Variants in HMCN2 observed in about 807,000 individuals in gnomAD.
HMCN2 encodes hemicentin 2.
A neutral mutation model predicts 377.5 loss-of-function variants in HMCN2; 325 were observed. The observed-to-expected ratio is 0.86, with a 90% CI of 0.79 to 0.94. The LOEUF is 0.94. HMCN2 is among the 40% of genes least tolerant of loss of function. HMCN2 has a pLI of 0.00. For missense variants in HMCN2, 4,543 were observed against 4,725.3 expected, an observed-to-expected ratio of 0.96 and a Z score of 1.13; for synonymous variants, 2,007 against 2,046.8, an observed-to-expected ratio of 0.98 and a Z score of 0.53.
chr9:130,329,971 C>T (rs1481954625), intron 22 of HMCN2, among the ~76,000 whole-genome samples: 1 of 151,186 alleles, frequency 6.6e-6, no homozygotes, highest in Non-Finnish European at 1.5e-5. Context: ...TCCTCCCCTC[C>T]CCCCCTTCCC....
At chr9:130,407,436 G>A (rs41316998) in intron 82 of HMCN2, 135 bp from the exon 83 acceptor site, 69,833 of 732,520 alleles carry the variant, frequency 0.095, 3,697 homozygotes, top group Non-Finnish European at 0.11. Flanking sequence ...CCAGGAACGT[G>A]TCTGATTTGA....
intron 39 of HMCN2, 135 bp from the exon 40 acceptor site, chr9:130,362,732 G>C (rs1212921174): frequency 2.1e-5 from 13 of 615,796 alleles, no homozygotes; most frequent in Non-Finnish European, 2.6e-5. Flanking sequence ...CCTGCATCAT[G>C]AGGGGCTCTG....
chr9:130,404,508 C>A (rs1842994414), intron 80 of HMCN2, among the ~76,000 whole-genome samples: 1 of 152,240 alleles, frequency 6.6e-6, no homozygotes, highest in African/African-American at 2.4e-5. Context: ...CAGGGATGCT[C>A]TGTGACAGCT....
Position 130,428,620 on chromosome 9 carries a change from G to C in HMCN2, c.14197+131G>C. On this transcript the variant is annotated intron_variant, in intron 93 of 97. Transcript: ENST00000683500. This position sits in a 1 kb window ranked among gnomAD's most constrained non-coding sequence, Gnocchi z 5.0. ...AAGACTGGGACTCTTGGCAGAAGGA[G>C]TACAGCAAGGCTGGGGACAAAGCCT... The C allele has an allele frequency of 7.8e-7, 1 of 1,285,382 alleles. No individual in the cohort carries two copies. The highest frequency in any genetic ancestry group is 1.1e-6 in the Non-Finnish European group (1 of 945,582). The allele number at this position is 1,285,382 out of a possible 1,614,324, so 79.6% of individuals were successfully genotyped here.
In HMCN2 at chr9:130,391,498, G is replaced by A. The variant is rs891650363; in HGVS notation, c.9876G>A (p.Ser3292=). Reference sequence around the variant, plus strand: ...TGGTGCTAAAAGGCCTGAGGGCCTCGGACGCGGGTGCCTACACCTGCGTGG... The same window carrying A: ...TGGTGCTAAAAGGCCTGAGGGCCTCAGACGCGGGTGCCTACACCTGCGTGG... The part of the protein sequence containing the change: ...GSLVLKGLRA[S]DAGAYTCVAH... Residue 3292 remains serine, a synonymous_variant, in exon 65 of 98, where the codon TCG becomes TCA. Coordinates refer to ENST00000683500, the MANE Select transcript of HMCN2 (RefSeq NM_001291815.2). 83 of 987,704 alleles carry A rather than the reference G, an allele frequency of 8.4e-5. No homozygotes were observed. Among genetic ancestry groups the A allele is most frequent in the Non-Finnish European group, 9.8e-5 (81 of 830,156 alleles). 61.2% of individuals were successfully genotyped at this position (987,704 alleles called of 1,614,324 possible).
chr9:130,423,346 G>A lies in HMCN2; in HGVS notation c.13381+620G>A, dbSNP rs1415622557. On this transcript the variant is annotated intron_variant, in intron 87 of 97. Transcript: ENST00000683500. This position sits in a 1 kb window ranked among gnomAD's most constrained non-coding sequence, Gnocchi z 5.5. ...GTCCAGGAGGGGCAGTATTCATGGA[G>A]TCTTCACTGAAAGTAGCTCCTCTGA... Among the ~76,000 whole-genome samples, 2 of 152,182 alleles carry A rather than the reference G, an allele frequency of 1.3e-5. No homozygotes were observed. Among genetic ancestry groups the A allele is most frequent in the Admixed American group, 6.5e-5 (1 of 15,284 alleles).
chr9:130,352,274 A>G (rs1420552448), intron 30 of HMCN2, among the ~76,000 whole-genome samples: 2 of 152,248 alleles, frequency 1.3e-5, no homozygotes, highest in African/African-American at 4.8e-5. Flanking sequence ...TTGGCTAAGG[A>G]AGCTGAAAAA....
chr9:130,301,195 T>C (rs763384014), intron 8 of HMCN2, among the ~76,000 whole-genome samples: 3 of 152,202 alleles, frequency 2.0e-5, no homozygotes, highest in Non-Finnish European at 4.4e-5. Context: ...ACCTCTTCTT[T>C]CCAGCCTCCC....
At chr9:130,418,647 C>T in intron 85 of HMCN2, 125 bp from the exon 86 acceptor site, 1 of 746,986 alleles carries the variant, frequency 1.3e-6, no homozygotes, top group Non-Finnish European at 2.0e-6. Flanking sequence ...GTGGAAGGAT[C>T]CTATGCAGTT....
intron 86 of HMCN2, among the ~76,000 whole-genome samples, chr9:130,420,354 G>A (rs564719005): frequency 3.9e-5 from 6 of 152,012 alleles, no homozygotes; most frequent in South Asian, 2.1e-4. Context: ...GATTACAGGC[G>A]TGAGCCACCG....
Position 130,391,517 on chromosome 9 carries a change from T to C in HMCN2, c.9895T>C (p.Cys3299Arg). Residue 3299 changes from cysteine (C) to arginine (R), a missense_variant, in exon 65 of 98, where the codon TGC (cysteine) becomes CGC (arginine). Coordinates refer to ENST00000683500, the MANE Select transcript of HMCN2 (RefSeq NM_001291815.2). ...GGCCTCGGACGCGGGTGCCTACACC[T>C]GCGTGGCCCACAACCCAGCCGGGGA... Reference protein sequence around the residue: ...LRASDAGAYTCVAHNPAGEDA... With the variant: ...LRASDAGAYTRVAHNPAGEDA... 2.0e-6 allele frequency: 2 copies of C among 987,764 alleles called. No individual in the cohort carries two copies. The highest frequency in any genetic ancestry group is 2.4e-6 in the Non-Finnish European group (2 of 830,112). The allele number at this position is 987,764 out of a possible 1,614,324, so 61.2% of individuals were successfully genotyped here. A position where few individuals can be genotyped will look rare whatever the true frequency, so the allele number is the denominator to read the frequency against.
chr9:130,354,860 G>T lies in HMCN2; in HGVS notation c.4962G>T (p.Pro1654=), dbSNP rs1003728999. 9 of 1,304,142 alleles carry T rather than the reference G, an allele frequency of 6.9e-6. No homozygotes were observed. The Admixed American group carries it at 1.4e-4, about 20-fold the overall frequency. The allele number at this position is 1,304,142 out of a possible 1,614,324, so 80.8% of individuals were successfully genotyped here. ...VALECVARGH[P]SPTLSWHHEG... ...TGGAGTGCGTGGCCAGAGGCCACCC[G>T]TCCCCCACCCTCTCCTGGCACCACG... The change falls in exon 32 of 98, where the codon CCG becomes CCT. Residue 1654 remains proline (P), a synonymous_variant. Coordinates refer to ENST00000683500, the MANE Select transcript of HMCN2 (RefSeq NM_001291815.2).
intron 61 of HMCN2, among the ~76,000 whole-genome samples, chr9:130,386,840 C>T (rs559105140): frequency 6.6e-6 from 1 of 152,318 alleles, no homozygotes; most frequent in Non-Finnish European, 1.5e-5. Flanking sequence ...CTAAGGTTAG[C>T]AGGCTCCAAA....
Position 130,379,343 on chromosome 9 carries a change from G to A in HMCN2, c.8307G>A (p.Arg2769=). 2.0e-6 allele frequency: 2 copies of A among 985,734 alleles called. No individual in the cohort carries two copies. The highest frequency in any genetic ancestry group is 2.4e-6 in the Non-Finnish European group (2 of 829,924). 61.1% of individuals were successfully genotyped at this position (985,734 alleles called of 1,614,324 possible). A position where few individuals can be genotyped will look rare whatever the true frequency, so the allele number is the denominator to read the frequency against. ...EEARGGVTEY[R]EIVENNPAYL... is the part of the protein sequence containing the mutation. ...CCCGGGGCGGAGTCACGGAATACAG[G>A]GAGATCGTGGAGAACAACCCAGCCT... Residue 2769 remains arginine (R), a synonymous_variant, in exon 54 of 98, where the codon AGG becomes AGA. Coordinates refer to ENST00000683500, the MANE Select transcript of HMCN2 (RefSeq NM_001291815.2).
At chr9:130,287,508 G>A (rs1411555031) in intron 4 of HMCN2, among the ~76,000 whole-genome samples, 4 of 141,044 alleles carry the variant, frequency 2.8e-5, no homozygotes, top group Non-Finnish European at 4.5e-5. Context: ...CCAAGATCGT[G>A]CCATTGCACT....
intron 14 of HMCN2, among the ~76,000 whole-genome samples, chr9:130,309,196 C>T (rs894266825): frequency 2.0e-5 from 3 of 152,090 alleles, no homozygotes; most frequent in African/African-American, 4.8e-5. Context: ...GCCTCAGGGG[C>T]GGAGAGAAGT....
At chr9:130,402,243 G>A (rs1025041791) in intron 77 of HMCN2, among the ~76,000 whole-genome samples, 2 of 152,222 alleles carry the variant, frequency 1.3e-5, no homozygotes, top group Non-Finnish European at 2.9e-5. Context: ...CACCCAGCAG[G>A]CCCCCAGGGG....
chr9:130,290,957 C>A (rs571627153), intron 4 of HMCN2, among the ~76,000 whole-genome samples: 4 of 151,758 alleles, frequency 2.6e-5, no homozygotes, highest in Middle Eastern at 6.9e-3. Context: ...GTAAGCAGAG[C>A]TGAAGGACTA....
chr9:130,360,385 T>A lies in HMCN2; in HGVS notation c.5774-43T>A, dbSNP rs112510155. 0.014 allele frequency: 15,669 copies of A among 1,104,446 alleles called. 817 individuals carry two copies. In the African/African-American group the frequency reaches 0.15, roughly 11 times the overall value. The allele number at this position is 1,104,446 out of a possible 1,614,324, so 68.4% of individuals were successfully genotyped here. A position where few individuals can be genotyped will look rare whatever the true frequency, so the allele number is the denominator to read the frequency against. ...ACTTCTCTCTTCCATTCCCCCTTGC[T>A]TCTCTCTTCCTTTCCCCCTTGCATC... On this transcript the variant is annotated intron_variant, in intron 37 of 97. Transcript: ENST00000683500. This position sits in a 1 kb window ranked among gnomAD's most constrained non-coding sequence, Gnocchi z 4.7.
Sources: allele counts gnomAD v4.1 joint callset (sites outside exome capture counted in the v4.1 genomes callset), GRCh38; gene constraint gnomAD v4.1.1; non-coding constraint Gnocchi (gnomAD v3.1); transcripts MANE v1.5; gene names NCBI Gene and HGNC (gene_info 2026-07-23, HGNC 2026-07-21).